LDB2: variants seen among roughly 807,000 people sequenced by gnomAD.
LDB2 encodes the protein LIM domain-binding protein 2.
LDB2 carries 12 observed loss-of-function variants against 44.3 expected under a neutral mutation model. The ratio of observed to expected loss-of-function variants is 0.27; its 90% CI spans 0.17 to 0.44. LDB2 has a LOEUF of 0.44. LDB2 is among the 20% of genes least tolerant of loss of function. The probability of loss-of-function intolerance (pLI) is 1.00; values close to 1 mark genes in which losing one functional copy is unlikely to be tolerated. For synonymous variants in LDB2, 164 were observed against 174.8 expected (o/e 0.94, Z 0.49); for missense variants, 344 against 473.5 (o/e 0.73, Z 2.54).
intron 5 of LDB2, among the ~76,000 whole-genome samples, chr4:16,568,464 A>G (rs1459696060): frequency 6.6e-6 from 1 of 152,206 alleles, no homozygotes; most frequent in African/African-American, 2.4e-5. Context: ...CTTAAAAAGC[A>G]TTTCAATATA....
intron 5 of LDB2, among the ~76,000 whole-genome samples, chr4:16,571,607 A>G (rs907917613): frequency 6.6e-6 from 1 of 152,200 alleles, no homozygotes; most frequent in Non-Finnish European, 1.5e-5. Flanking sequence ...TACCTTCTGC[A>G]TGAAGTTAGA....
chr4:16,653,245 T>G (rs2152527682), intron 2 of LDB2, among the ~76,000 whole-genome samples: 1 of 152,298 alleles, frequency 6.6e-6, no homozygotes, highest in South Asian at 2.1e-4. Flanking sequence ...TTTTTCATTT[T>G]TTGGCTTCTG....
chr4:16,760,839 G>A (rs143351412), intron 1 of LDB2, among the ~76,000 whole-genome samples: 200 of 152,208 alleles, frequency 1.3e-3, no homozygotes, highest in African/African-American at 4.7e-3. Flanking sequence ...AACCCTATTC[G>A]GAAGACTGGA....
intron 1 of LDB2, among the ~76,000 whole-genome samples, chr4:16,823,843 C>G (rs1388505420): frequency 1.3e-5 from 2 of 152,176 alleles, no homozygotes; most frequent in Non-Finnish European, 2.9e-5. Flanking sequence ...TACAATCTTA[C>G]CTAATTATGC....
chr4:16,784,599 A>G (rs1773981692), intron 1 of LDB2, among the ~76,000 whole-genome samples: 1 of 152,156 alleles, frequency 6.6e-6, no homozygotes, highest in African/African-American at 2.4e-5. Context: ...GTGAACCAAG[A>G]ATGCTGTGAA....
At chr4:16,698,123 T>C (rs200203600) in intron 2 of LDB2, among the ~76,000 whole-genome samples, 2 of 152,356 alleles carry the variant, frequency 1.3e-5, no homozygotes, top group East Asian at 3.9e-4. Context: ...ACCCCATTAC[T>C]GTTTTTGTCC....
chr4:16,755,628 A>G (rs559528306), intron 2 of LDB2, among the ~76,000 whole-genome samples: 4 of 151,698 alleles, frequency 2.6e-5, no homozygotes, highest in African/African-American at 9.7e-5. Flanking sequence ...CACCCACCTA[A>G]CCTCTCTGGA....
At chr4:16,597,330 T>G (rs1424903578) in intron 2 of LDB2, among the ~76,000 whole-genome samples, 1 of 152,170 alleles carries the variant, frequency 6.6e-6, no homozygotes, top group African/African-American at 2.4e-5. Context: ...TTTTCGGTGA[T>G]TCCATCCTAG....
At chr4:16,653,066 T>C (rs1190978726) in intron 2 of LDB2, among the ~76,000 whole-genome samples, 1 of 152,122 alleles carries the variant, frequency 6.6e-6, no homozygotes, top group Non-Finnish European at 1.5e-5. Context: ...AGCCAAACAG[T>C]GTGAAAATGT....
At chr4:16,782,046 T>C (rs1773358472) in intron 1 of LDB2, among the ~76,000 whole-genome samples, 1 of 152,190 alleles carries the variant, frequency 6.6e-6, no homozygotes, top group South Asian at 2.1e-4. Context: ...CACCAGTGTG[T>C]GGTGACTTGT....
intron 2 of LDB2, among the ~76,000 whole-genome samples, chr4:16,635,273 C>A (rs1216190920): frequency 4.6e-5 from 7 of 151,846 alleles, no homozygotes; most frequent in African/African-American, 7.3e-5. Context: ...ACATGTAACC[C>A]AGAACTTAAA....
chr4:16,693,767 C>A (rs925867981), intron 2 of LDB2, among the ~76,000 whole-genome samples: 8 of 152,206 alleles, frequency 5.3e-5, no homozygotes, highest in African/African-American at 1.4e-4. Flanking sequence ...GAATGCAGCA[C>A]TTCCCTGCAA....
intron 2 of LDB2, among the ~76,000 whole-genome samples, chr4:16,733,214 A>G (rs1761126982): frequency 6.6e-6 from 1 of 152,212 alleles, no homozygotes; most frequent in African/African-American, 2.4e-5. Context: ...ATAATGCAAG[A>G]TAGGAATAAA....
At chr4:16,883,064 G>C (rs1212953859) in intron 1 of LDB2, among the ~76,000 whole-genome samples, 2 of 152,202 alleles carry the variant, frequency 1.3e-5, no homozygotes, top group South Asian at 4.1e-4. Context: ...CGGGTTTTAA[G>C]ACAATGGTTC....
At chr4:16,739,626 G>A (rs184941596) in intron 2 of LDB2, among the ~76,000 whole-genome samples, 44 of 49,700 alleles carry the variant, frequency 8.9e-4, no homozygotes, top group East Asian at 3.0e-3. Context: ...ATACATGTGT[G>A]TGTATATATG....
At chr4:16,753,261 A>T (rs1031677737) in intron 2 of LDB2, among the ~76,000 whole-genome samples, 1 of 152,232 alleles carries the variant, frequency 6.6e-6, no homozygotes, top group African/African-American at 2.4e-5. Context: ...TAGCAAGCAC[A>T]GTACAAATAT....
chr4:16,552,751 C>T (rs1392470909), intron 5 of LDB2, among the ~76,000 whole-genome samples: 2 of 152,178 alleles, frequency 1.3e-5, no homozygotes, highest in Non-Finnish European at 2.9e-5. Flanking sequence ...TACCACAGAT[C>T]CATAAAGATT....
intron 5 of LDB2, among the ~76,000 whole-genome samples, chr4:16,541,570 T>A (rs1733787867): frequency 2.0e-5 from 3 of 152,172 alleles, no homozygotes; most frequent in Admixed American, 2.0e-4. Flanking sequence ...TGGATGACAG[T>A]CAAGTCTGTG....
intron 2 of LDB2, among the ~76,000 whole-genome samples, chr4:16,706,823 A>G (rs1162503673): frequency 6.6e-6 from 1 of 152,136 alleles, no homozygotes; most frequent in African/African-American, 2.4e-5. Flanking sequence ...AATAGCAAGT[A>G]CTGCAGCTCT....
Sources: gnomAD v4.1 joint callset for allele counts (sites outside exome capture counted in the v4.1 genomes callset) on GRCh38, gnomAD v4.1.1 for gene constraint, MANE v1.5 for transcripts, NCBI Gene and HGNC (gene_info 2026-07-23, HGNC 2026-07-21) for gene names.